The following FAM120A variants were observed in gnomAD, a reference collection of about 807,000 sequenced individuals.
FAM120A encodes family with sequence similarity 120 member A.
FAM120A carries 15 observed loss-of-function variants against 109.7 expected under a neutral mutation model. The ratio of observed to expected loss-of-function variants is 0.14; its 90% confidence interval spans 0.09 to 0.21. FAM120A has a LOEUF of 0.21. Among genes scored for constraint, FAM120A ranks in the 10% least tolerant of loss-of-function variants. The pLI, the probability that FAM120A is intolerant of heterozygous loss-of-function variation, is 1.00. For missense variants in FAM120A, 899 were observed against 1,439.3 expected (o/e 0.62, Z 6.07); for synonymous variants, 493 against 572.8 (o/e 0.86, Z 1.99).
At chr9:93,492,139 C>T (rs943687950) in intron 3 of FAM120A, among the ~76,000 whole-genome samples, 3 of 150,670 alleles carry the variant, frequency 2.0e-5, no homozygotes, top group African/African-American at 7.4e-5. Context: ...TTGATAACTA[C>T]CTTTGTGTGT....
In FAM120A at chr9:93,451,975, G is replaced by A. The variant is rs1339231003; in HGVS notation, c.60G>A (p.Pro20=). ...IEKHCPSAVV[P]VELQKLARGS... Reference sequence around the variant, plus strand: ...AGCACTGCCCGAGCGCCGTGGTGCCGGTGGAGCTGCAGAAGCTGGCCCGGG... The same window carrying A: ...AGCACTGCCCGAGCGCCGTGGTGCCAGTGGAGCTGCAGAAGCTGGCCCGGG... The change falls in exon 1 of 18, where the codon CCG becomes CCA. Residue 20 remains proline (P), a synonymous_variant. Transcript: ENST00000277165. 9 of 1,543,190 alleles carry A rather than the reference G, an allele frequency of 5.8e-6. 1 individual carries two copies. The East Asian group carries it at 1.9e-4, about 33-fold the overall frequency.
chr9:93,557,747 CTTAT>C (rs1862336899), intron 13 of FAM120A, 76 bp from the exon 14 acceptor site: 1 of 1,369,794 alleles, frequency 7.3e-7, no homozygotes, highest in South Asian at 1.4e-5. Context: ...GTTGATAGAT[CTTAT>C]TTCTTTAGTG....
At chr9:93,554,503 A>G (rs930605978) in intron 12 of FAM120A, among the ~76,000 whole-genome samples, 4 of 151,782 alleles carry the variant, frequency 2.6e-5, no homozygotes, top group African/African-American at 9.7e-5. Context: ...TGAAAACCTG[A>G]CTCTACTAAA....
intron 3 of FAM120A, among the ~76,000 whole-genome samples, chr9:93,483,304 AG>A (rs1325669666): frequency 9.2e-5 from 14 of 152,074 alleles, no homozygotes; most frequent in African/African-American, 3.4e-4. Flanking sequence ...CTAAAATCTA[AG>A]TACTTATTTA....
chr9:93,478,434 G>A (rs1286965087), intron 3 of FAM120A, among the ~76,000 whole-genome samples: 1 of 152,048 alleles, frequency 6.6e-6, no homozygotes, highest in East Asian at 1.9e-4. Flanking sequence ...AAATGCAAGT[G>A]CACCTGGTTT....
chr9:93,487,388 C>T (rs1859109284), intron 3 of FAM120A, among the ~76,000 whole-genome samples: 1 of 152,188 alleles, frequency 6.6e-6, no homozygotes, highest in East Asian at 1.9e-4. Context: ...TCTTGAACTC[C>T]TGACCCCAAG....
intron 1 of FAM120A, among the ~76,000 whole-genome samples, chr9:93,457,905 C>T (rs1184079484): frequency 6.6e-6 from 1 of 151,518 alleles, no homozygotes; most frequent in African/African-American, 2.4e-5. Flanking sequence ...CTTCCATTTC[C>T]TGGGGTTACT....
intron 5 of FAM120A, among the ~76,000 whole-genome samples, chr9:93,503,828 C>A (rs1014543931): frequency 3.9e-4 from 57 of 145,174 alleles, no homozygotes; most frequent in African/African-American, 1.2e-3. Flanking sequence ...TGAAACTGCT[C>A]AAAAAAAAAA....
chr9:93,486,713 T>TAA (rs1859073749), intron 3 of FAM120A, among the ~76,000 whole-genome samples: 1 of 152,028 alleles, frequency 6.6e-6, no homozygotes, highest in Non-Finnish European at 1.5e-5. Context: ...TTTGTATTTT[T>TAA]AGTAGAGATG....
intron 7 of FAM120A, among the ~76,000 whole-genome samples, chr9:93,526,806 A>C (rs1359267361): frequency 6.6e-6 from 1 of 152,216 alleles, no homozygotes; most frequent in Non-Finnish European, 1.5e-5. Flanking sequence ...ATTGCCAATT[A>C]AATGCTGATC....
intron 5 of FAM120A, among the ~76,000 whole-genome samples, chr9:93,506,622 G>A (rs904294494): frequency 2.0e-5 from 3 of 151,106 alleles, no homozygotes; most frequent in African/African-American, 7.3e-5. Context: ...TTTCAAGATG[G>A]AGTCTCGCTC....
At chr9:93,504,537 C>G (rs1370653992) in intron 5 of FAM120A, among the ~76,000 whole-genome samples, 1 of 152,076 alleles carries the variant, frequency 6.6e-6, no homozygotes, top group Non-Finnish European at 1.5e-5. Flanking sequence ...TAAATAGTTT[C>G]ATTTTGTTTG....
chr9:93,543,180 A>G (rs748374060), intron 10 of FAM120A, 42 bp from the exon 11 acceptor site: 3 of 1,596,528 alleles, frequency 1.9e-6, no homozygotes, highest in African/African-American at 1.3e-5. Context: ...AAGCAGGTGA[A>G]TGATGCATGA....
Position 93,498,692 on chromosome 9 carries a change from C to T in FAM120A, c.934-98C>T. 1.3e-6 allele frequency: 1 copy of T among 772,322 alleles called. No individual in the cohort carries two copies. Among genetic ancestry groups the T allele is most frequent in the Non-Finnish European group, 2.3e-6 (1 of 436,930 alleles). The allele number at this position is 772,322 out of a possible 1,614,324, so 47.8% of individuals were successfully genotyped here. ...CAAAATTCTTCTCTAACTTGAAAAG[C>T]TGTAGAATATTATACATGTGCTGAA... On this transcript the variant is annotated intron_variant, in intron 4 of 17. Transcript: ENST00000277165. This position sits in a 1 kb window ranked among gnomAD's most constrained non-coding sequence, Gnocchi z 4.4.
chr9:93,474,476 G>C (rs1858459157), intron 2 of FAM120A, among the ~76,000 whole-genome samples: 1 of 152,126 alleles, frequency 6.6e-6, no homozygotes, highest in Non-Finnish European at 1.5e-5. Flanking sequence ...AGGAATGTTG[G>C]AATATTCATT....
chr9:93,507,623 G>A (rs1860118580), intron 5 of FAM120A, among the ~76,000 whole-genome samples: 1 of 152,206 alleles, frequency 6.6e-6, no homozygotes, highest in Non-Finnish European at 1.5e-5. Context: ...TGGGTGCACA[G>A]AAAGAGTGGC....
chr9:93,527,389 A>G (rs1035005791), intron 8 of FAM120A, 147 bp downstream of exon 8: 2 of 621,464 alleles, frequency 3.2e-6, no homozygotes, highest in East Asian at 2.9e-5. Flanking sequence ...GGAAAGGAAG[A>G]GTTCAGAGCT....
In FAM120A at chr9:93,452,470, C is replaced by T; in HGVS notation, c.474+81C>T. On this transcript the variant is annotated intron_variant, in intron 1 of 17. Coordinates refer to ENST00000277165, the MANE Select transcript of FAM120A (RefSeq NM_014612.5). This position sits in a 1 kb window ranked among gnomAD's most constrained non-coding sequence, Gnocchi z 7.0. ...CCCTTCCCAGGGCGCAGAATGTCGC[C>T]CGGCCGTGGCGGCGCTGGGGGCAGC... The T allele has an allele frequency of 6.5e-7, 1 of 1,545,544 alleles. No individual in the cohort carries two copies. Among genetic ancestry groups the T allele is most frequent in the Non-Finnish European group, 8.7e-7 (1 of 1,149,308 alleles).
chr9:93,468,877 G>C (rs1432590049), intron 1 of FAM120A, among the ~76,000 whole-genome samples: 1 of 152,166 alleles, frequency 6.6e-6, no homozygotes, highest in Non-Finnish European at 1.5e-5. Context: ...TATATTGCCT[G>C]CTGTTTTACA....
Sources: allele counts gnomAD v4.1 joint callset (sites outside exome capture counted in the v4.1 genomes callset), GRCh38; gene constraint gnomAD v4.1.1; non-coding constraint Gnocchi (gnomAD v3.1); transcripts MANE v1.5; gene names NCBI Gene and HGNC (gene_info 2026-07-23, HGNC 2026-07-21).